The following MIPOL1 variants were observed in gnomAD, a reference collection of about 807,000 sequenced individuals.
The protein encoded by MIPOL1 is mirror-image polydactyly 1.
Under a neutral mutation model 60.9 loss-of-function variants are expected in MIPOL1, and 57 were observed. That is an observed-to-expected ratio of 0.94 (90% confidence interval 0.76 to 1.17). The LOEUF is 1.17. Ranked by LOEUF, MIPOL1 falls within the 50% of genes most tolerant of loss-of-function variation. The probability of loss-of-function intolerance (pLI) is 0.00; values close to 1 mark genes in which losing one functional copy is unlikely to be tolerated. For missense variants in MIPOL1, 551 were observed against 511.6 expected, an observed-to-expected ratio of 1.08 and a Z score of -0.74; for synonymous variants, 179 against 168.8, an observed-to-expected ratio of 1.06 and a Z score of -0.47.
intron 9 of MIPOL1, among the ~76,000 whole-genome samples, chr14:37,316,029 A>ATT (rs374928678): frequency 0.026 from 3,735 of 143,346 alleles, 192 homozygotes; most frequent in African/African-American, 0.091. Flanking sequence ...TATTTATTTA[A>ATT]TTTTTTTTTT....
At chr14:37,273,095 T>TATAA (rs1431916583) in intron 6 of MIPOL1, among the ~76,000 whole-genome samples, 1 of 151,294 alleles carries the variant, frequency 6.6e-6, no homozygotes, top group East Asian at 1.9e-4. Context: ...TTAAATAAGT[T>TATAA]ATGATACATT....
intron 6 of MIPOL1, chr14:37,277,380 GAC>G (rs1272251908): frequency 1.3e-5 from 2 of 151,094 alleles, no homozygotes; most frequent in East Asian, 1.9e-4. Context: ...TATTTCAAAA[GAC>G]ATACAATTAT....
At chr14:37,411,378 G>A (rs944314732) in intron 10 of MIPOL1, among the ~76,000 whole-genome samples, 29 of 152,166 alleles carry the variant, frequency 1.9e-4, no homozygotes, top group African/African-American at 4.8e-4. Flanking sequence ...CTAGAAAAGC[G>A]TGTATTTTAG....
chr14:37,302,367 T>C (rs958748173), intron 7 of MIPOL1, among the ~76,000 whole-genome samples: 1 of 151,412 alleles, frequency 6.6e-6, no homozygotes, highest in Middle Eastern at 3.4e-3. Context: ...CAAATCATAT[T>C]GAGCATCTTT....
At chr14:37,280,603 T>G (rs922840107) in intron 6 of MIPOL1, among the ~76,000 whole-genome samples, 2 of 152,162 alleles carry the variant, frequency 1.3e-5, no homozygotes, top group African/African-American at 4.8e-5. Context: ...CTGTTAACCA[T>G]TTGTGTGTCT....
chr14:37,438,588 AC>A (rs1220480033), intron 11 of MIPOL1, among the ~76,000 whole-genome samples: 7 of 152,198 alleles, frequency 4.6e-5, no homozygotes, highest in Non-Finnish European at 8.8e-5. Context: ...CAAAACTGGT[AC>A]TTCAGCATTA....
chr14:37,367,318 A>G (rs2092504937), intron 9 of MIPOL1, among the ~76,000 whole-genome samples: 1 of 152,080 alleles, frequency 6.6e-6, no homozygotes. Flanking sequence ...GAAATAATAT[A>G]GGATTACATA....
chr14:37,222,221 G>A (rs7143494), intron 1 of MIPOL1, among the ~76,000 whole-genome samples: 68,256 of 150,242 alleles, frequency 0.45, 18,035 homozygotes, highest in African/African-American at 0.74. Context: ...CGAAAACATT[G>A]CTTTTTTTTT....
chr14:37,228,760 T>C (rs1010507739), intron 1 of MIPOL1, among the ~76,000 whole-genome samples: 1 of 152,170 alleles, frequency 6.6e-6, no homozygotes, highest in Non-Finnish European at 1.5e-5. Context: ...TTTTCGTGTG[T>C]AATTAGTGTT....
intron 1 of MIPOL1, among the ~76,000 whole-genome samples, chr14:37,244,694 G>A (rs1257527662): frequency 6.6e-6 from 1 of 151,914 alleles, no homozygotes. Flanking sequence ...GTTAGCATTT[G>A]GATTAAGAAA....
chr14:37,498,199 A>T (rs1373643210), intron 11 of MIPOL1, among the ~76,000 whole-genome samples: 1 of 152,152 alleles, frequency 6.6e-6, no homozygotes, highest in Non-Finnish European at 1.5e-5. Context: ...GGGAGGGGAA[A>T]AAATGGGAGG....
At chr14:37,307,779 A>G (rs1340466183) in intron 7 of MIPOL1, among the ~76,000 whole-genome samples, 1 of 152,038 alleles carries the variant, frequency 6.6e-6, no homozygotes, top group East Asian at 1.9e-4. Context: ...TCACTGGGGA[A>G]CTTTCTTCAT....
chr14:37,246,577 T>C (rs561671238), intron 1 of MIPOL1, among the ~76,000 whole-genome samples: 18 of 152,276 alleles, frequency 1.2e-4, no homozygotes, highest in African/African-American at 4.3e-4. Flanking sequence ...GAATTTGCCC[T>C]GCTTAGACTG....
chr14:37,541,676 C>T (rs2095530292), intron 12 of MIPOL1, among the ~76,000 whole-genome samples: 1 of 152,168 alleles, frequency 6.6e-6, no homozygotes, highest in Admixed American at 6.5e-5. Context: ...CTTTCTATTC[C>T]ATGAGGAAAA....
intron 3 of MIPOL1, among the ~76,000 whole-genome samples, chr14:37,258,811 A>G (rs1975392919): frequency 6.6e-6 from 1 of 152,120 alleles, no homozygotes; most frequent in African/African-American, 2.4e-5. Context: ...ATGAATATTG[A>G]TTCATTCGTG....
chr14:37,280,698 G>A (rs1454985914), intron 6 of MIPOL1, among the ~76,000 whole-genome samples: 8 of 151,826 alleles, frequency 5.3e-5, no homozygotes, highest in African/African-American at 1.2e-4. Flanking sequence ...TCACTCTGTC[G>A]CCCAGGCTGG....
In MIPOL1 at chr14:37,486,899, C is replaced by A. The variant is rs111269328; in HGVS notation, c.1032-13009C>A. Among the ~76,000 whole-genome samples, 1,285 of 152,242 alleles carry A rather than the reference C, an allele frequency of 8.4e-3. 18 individuals are homozygous for A. The highest frequency in any genetic ancestry group is 0.028 in the African/African-American group (1,178 of 41,542). On this transcript the variant is annotated intron_variant, in intron 11 of 12. Transcript: ENST00000684589. ...AATGGGAGTGGGTATGAGAGGGCAT[C>A]CTTGTCTTGTGCCAGTTTTCAAAGG...
At chr14:37,405,151 C>G (rs1457508688) in intron 10 of MIPOL1, among the ~76,000 whole-genome samples, 2 of 152,088 alleles carry the variant, frequency 1.3e-5, no homozygotes, top group African/African-American at 4.8e-5. Context: ...TAAAATGGAT[C>G]AAAAGCATTT....
At chr14:37,399,889 T>G (rs1294342519) in intron 10 of MIPOL1, 2 of 152,158 alleles carry the variant, frequency 1.3e-5, no homozygotes, top group Non-Finnish European at 1.5e-5. Flanking sequence ...GGTCACCTAT[T>G]GCCAAAGACT....
Sources: allele counts gnomAD v4.1 joint callset (sites outside exome capture counted in the v4.1 genomes callset), GRCh38; gene constraint gnomAD v4.1.1; transcripts MANE v1.5; gene names NCBI Gene and HGNC (gene_info 2026-07-23, HGNC 2026-07-21).